SPATC1: variants seen among roughly 807,000 people sequenced by gnomAD.
SPATC1 encodes the protein speriolin.
A neutral mutation model predicts 36.5 loss-of-function variants in SPATC1; 35 were observed. The ratio of observed to expected loss-of-function variants is 0.96; its 90% confidence interval spans 0.73 to 1.27. SPATC1 has a LOEUF of 1.27. Among genes scored for constraint, SPATC1 ranks in the 50% most tolerant of loss-of-function variants. SPATC1 has a pLI of 0.00. For missense variants in SPATC1, 779 were observed against 796.0 expected (o/e 0.98, Z 0.26); for synonymous variants, 361 against 353.6 (o/e 1.02, Z -0.24).
chr8:144,025,582 T>C (rs1476397523), intron 1 of SPATC1, among the ~76,000 whole-genome samples: 22 of 152,342 alleles, frequency 1.4e-4, no homozygotes, highest in East Asian at 1.9e-4. Context: ...TGGAATATCA[T>C]GCGACGGGAC....
At chr8:144,014,966 C>G (rs144887462) in intron 1 of SPATC1, among the ~76,000 whole-genome samples, 1 of 152,248 alleles carries the variant, frequency 6.6e-6, no homozygotes, top group East Asian at 1.9e-4. Flanking sequence ...TCTGGGCATA[C>G]TGCCTAGGAG....
chr8:144,037,285 C>T (rs1367294360), intron 1 of SPATC1, among the ~76,000 whole-genome samples: 2 of 150,956 alleles, frequency 1.3e-5, no homozygotes, highest in Non-Finnish European at 3.0e-5. Context: ...TGAAGAGCCC[C>T]TCTGCCCGGC....
chr8:144,033,965 C>T (rs1834848894), intron 1 of SPATC1, among the ~76,000 whole-genome samples: 1 of 152,220 alleles, frequency 6.6e-6, no homozygotes, highest in South Asian at 2.1e-4. Flanking sequence ...CCCTGCTCTA[C>T]CTGAAAGAGC....
chr8:144,043,685 A>AT (rs527881198), intron 4 of SPATC1, among the ~76,000 whole-genome samples: 9,508 of 129,912 alleles, frequency 0.073, 439 homozygotes, highest in African/African-American at 0.11. Flanking sequence ...TATGGACTAC[A>AT]TTTTTTTTTT....
intron 1 of SPATC1, among the ~76,000 whole-genome samples, chr8:144,030,434 C>T (rs899485960): frequency 0.058 from 8,809 of 152,344 alleles, 313 homozygotes; most frequent in Non-Finnish European, 0.078. Context: ...TCTCAGCTCA[C>T]TGCAGCCTCC....
chr8:144,015,474 G>GCT (rs1834366400), intron 1 of SPATC1, among the ~76,000 whole-genome samples: 1 of 151,276 alleles, frequency 6.6e-6, no homozygotes, highest in Admixed American at 6.6e-5. Flanking sequence ...AGGTGCAGTG[G>GCT]CTCACGCCTA....
chr8:144,012,470 G>A lies in SPATC1; in HGVS notation c.-46G>A, dbSNP rs1333415991. ...GCCTGGGGCCCTGGGCAGCCTCCAG[G>A]TGCAGTGCCCTCCCGTGGGCCGCAC... On this transcript the variant is annotated 5_prime_UTR_variant, in exon 1 of 5. It adds an upstream start codon to the 5' untranslated region. Transcript: ENST00000377470. 6.5e-6 allele frequency: 10 copies of A among 1,529,460 alleles called. No homozygotes were observed. Among genetic ancestry groups the A allele is most frequent in the Non-Finnish European group, 8.0e-6 (9 of 1,127,268 alleles). The allele number at this position is 1,529,460 out of a possible 1,614,324, so 94.7% of individuals were successfully genotyped here.
At chr8:144,013,491 C>T (rs1163609603) in intron 1 of SPATC1, among the ~76,000 whole-genome samples, 4 of 152,186 alleles carry the variant, frequency 2.6e-5, no homozygotes, top group African/African-American at 4.8e-5. Flanking sequence ...GCTCACTCCC[C>T]TCCTGTCTTA....
intron 4 of SPATC1, among the ~76,000 whole-genome samples, chr8:144,044,499 G>A (rs563390288): frequency 2.9e-4 from 43 of 149,708 alleles, no homozygotes; most frequent in South Asian, 6.4e-4. Context: ...TAGTAAAGAC[G>A]GGGTTTCACA....
At chr8:144,043,065 T>C (rs182895002) in intron 4 of SPATC1, among the ~76,000 whole-genome samples, 138 of 150,038 alleles carry the variant, frequency 9.2e-4, no homozygotes, top group African/African-American at 2.9e-3. Context: ...CAATCTCAGC[T>C]CACTGCAGCC....
At position 144,018,563 on chromosome 8, in the gene SPATC1, T is replaced by C. The variant is rs946910237; in HGVS notation, c.211+5837T>C. Among the ~76,000 whole-genome samples, 44 of 151,956 alleles carry C rather than the reference T, an allele frequency of 2.9e-4. 1 individual carries two copies. The highest frequency in any genetic ancestry group is 8.7e-4 in the African/African-American group (36 of 41,348). ...TACATTATGGGGTGGGGAGTGCCCT[T>C]GACTGAAGGAAGAGAGTCTCTTCCA... is the stretch of plus-strand genomic sequence containing the variant. On this transcript the variant is annotated intron_variant, in intron 1 of 4. Coordinates refer to ENST00000377470, the MANE Select transcript of SPATC1 (RefSeq NM_198572.3).
chr8:144,033,152 TTG>T (rs1834831665), intron 1 of SPATC1, among the ~76,000 whole-genome samples: 1 of 152,108 alleles, frequency 6.6e-6, no homozygotes, highest in African/African-American at 2.4e-5. Context: ...TCCCAGCACT[TTG>T]AGAGACCGTG....
intron 1 of SPATC1, among the ~76,000 whole-genome samples, chr8:144,030,347 G>GTGTATGTATGTATGTA (rs1199255905): frequency 1.6e-4 from 25 of 151,736 alleles, no homozygotes; most frequent in African/African-American, 6.1e-4. Flanking sequence ...CCACATTGCT[G>GTGTATGTATGTATGTA]TGTATGTATG....
intron 4 of SPATC1, chr8:144,041,973 T>C (rs1835114515): frequency 1.9e-5 from 19 of 985,134 alleles, no homozygotes; most frequent in Non-Finnish European, 2.3e-5. Context: ...ATTTTGTTTG[T>C]TTGTTTTCAG....
In SPATC1 at chr8:144,046,584, A is replaced by G. The variant is rs376747348; in HGVS notation, c.1447-43A>G. 4.5e-6 allele frequency: 7 copies of G among 1,550,642 alleles called. No individual in the cohort carries two copies. In the East Asian group the frequency reaches 1.6e-4, roughly 35 times the overall value. ...CTTCCCCTTACCTGCCTGTGTGTGG[A>G]GGTGTGGCAAGGGAGGGTCCCTGAT... On this transcript the variant is annotated intron_variant, in intron 4 of 4. Transcript: ENST00000377470. The surrounding 1 kb of genome is among the most constrained non-coding windows in gnomAD (Gnocchi z 6.6).
At chr8:144,029,717 C>CT (rs1301095466) in intron 1 of SPATC1, among the ~76,000 whole-genome samples, 2 of 152,012 alleles carry the variant, frequency 1.3e-5, no homozygotes, top group South Asian at 2.1e-4. Flanking sequence ...ACTTAGAGAC[C>CT]TTTTTTTGTG....
chr8:144,018,718 C>T (rs1343507869), intron 1 of SPATC1, among the ~76,000 whole-genome samples: 7 of 151,566 alleles, frequency 4.6e-5, no homozygotes, highest in South Asian at 2.1e-4. Context: ...AAGGATGGAG[C>T]GGGGAAGGTC....
At chr8:144,021,604 AC>A (rs1473784167) in intron 1 of SPATC1, among the ~76,000 whole-genome samples, 2 of 115,032 alleles carry the variant, frequency 1.7e-5, no homozygotes, top group Non-Finnish European at 3.7e-5. Context: ...TCACCTCAGG[AC>A]CCTCTGTCCA....
Position 144,045,568 on chromosome 8 carries a change from G to A in SPATC1, c.1447-1059G>A, listed in dbSNP as rs146445553. 1.6e-3 allele frequency among the ~76,000 whole-genome samples: 240 copies of A among 152,294 alleles called. No individual in the cohort carries two copies. The highest frequency in any genetic ancestry group is 5.5e-3 in the African/African-American group (230 of 41,568). ...AGAGGGGTGCAGGGACAGATGGGGG[G>A]ACACTGGAGGGTGGCCCTCCCCCAA... On this transcript the variant is annotated intron_variant, in intron 4 of 4. Transcript: ENST00000377470. This position sits in a 1 kb window ranked among gnomAD's most constrained non-coding sequence, Gnocchi z 5.2.
Sources: allele counts gnomAD v4.1 joint callset (sites outside exome capture counted in the v4.1 genomes callset), GRCh38; gene constraint gnomAD v4.1.1; non-coding constraint Gnocchi (gnomAD v3.1); transcripts MANE v1.5; gene names NCBI Gene and HGNC (gene_info 2026-07-23, HGNC 2026-07-21).